NHSL1: variants seen among roughly 807,000 people sequenced by gnomAD.
NHSL1 encodes the protein NHS-like protein 1.
NHSL1 carries 48 observed loss-of-function variants against 95.0 expected under a neutral mutation model. The ratio of observed to expected loss-of-function variants is 0.51; its 90% CI spans 0.40 to 0.64. The LOEUF is 0.64. NHSL1 is among the 30% of genes least tolerant of loss of function. The pLI is 0.00. For missense variants in NHSL1, 1,971 were observed against 2,077.7 expected (o/e 0.95, Z 1.00); for synonymous variants, 783 against 833.9 (o/e 0.94, Z 1.05).
chr6:138,569,893 A>C (rs1783776701), intron 1 of NHSL1, among the ~76,000 whole-genome samples: 1 of 151,064 alleles, frequency 6.6e-6, no homozygotes, highest in African/African-American at 2.5e-5. Context: ...AAAAAAAAAC[A>C]CATAAACTTA....
chr6:138,430,748 G>A lies in NHSL1; in HGVS notation c.3597C>T (p.Pro1199=), dbSNP rs1485535308. The change falls in exon 6 of 8, where the codon CCC becomes CCT. Residue 1199 remains proline (P), a synonymous_variant. Coordinates refer to ENST00000343505, the MANE Select transcript of NHSL1 (RefSeq NM_001144060.2). This position sits in a 1 kb window ranked among gnomAD's most constrained non-coding sequence, Gnocchi z 4.7. ...GAGGTGGTACCACCAGGAACAGTTT[G>A]GGCTTCTTGGAAATGGGGGGTGGCT... is the stretch of plus-strand genomic sequence containing the variant. ...SRKPPPISKK[P]KLFLVVPPPQ... 1 of 1,551,750 alleles carries A rather than the reference G, an allele frequency of 6.4e-7. No individual in the cohort carries two copies. Among genetic ancestry groups the A allele is most frequent in the Non-Finnish European group, 8.7e-7 (1 of 1,147,028 alleles).
chr6:138,478,848 T>G (rs1779247613), intron 2 of NHSL1, among the ~76,000 whole-genome samples: 1 of 152,178 alleles, frequency 6.6e-6, no homozygotes, highest in Non-Finnish European at 1.5e-5. Context: ...CCTCCTTCCT[T>G]TCGTGTCAAT....
chr6:138,540,252 G>A (rs1308360470), intron 1 of NHSL1, among the ~76,000 whole-genome samples: 1 of 152,198 alleles, frequency 6.6e-6, no homozygotes, highest in Non-Finnish European at 1.5e-5. Flanking sequence ...TATAAAACCA[G>A]ACATCTAAAT....
chr6:138,666,226 C>T (rs1431435531), intron 1 of NHSL1, among the ~76,000 whole-genome samples: 1 of 152,116 alleles, frequency 6.6e-6, no homozygotes, highest in South Asian at 2.1e-4. Flanking sequence ...TCACTTCAAC[C>T]CCAGAGGTGG....
In NHSL1 at chr6:138,461,156, T is replaced by A. The variant is rs73573247; in HGVS notation, c.339+12150A>T. Among the ~76,000 whole-genome samples, 3 of 137,736 alleles carry A rather than the reference T, an allele frequency of 2.2e-5. No individual in the cohort carries two copies. The East Asian group carries it at 1.0e-3, about 47-fold the overall frequency. 90.4% of individuals were successfully genotyped at this position (137,736 alleles called of 152,430 possible). On this transcript the variant is annotated intron_variant, in intron 3 of 7. Coordinates refer to ENST00000343505, the MANE Select transcript of NHSL1 (RefSeq NM_001144060.2). ...TTTGAAAAACTATGAAAGAAGGAAG[T>A]TTTTTTTTTGGAAATGTGAGAATCA...
intron 1 of NHSL1, among the ~76,000 whole-genome samples, chr6:138,557,179 G>A (rs918235960): frequency 6.6e-6 from 1 of 152,106 alleles, no homozygotes; most frequent in Admixed American, 6.5e-5. Flanking sequence ...TTATTCCACC[G>A]TACCAAAACG....
At chr6:138,464,710 C>CTTTTCTTTTTTTTTTTTT (rs1163028541) in intron 3 of NHSL1, among the ~76,000 whole-genome samples, 1 of 111,718 alleles carries the variant, frequency 9.0e-6, no homozygotes, top group Non-Finnish European at 1.8e-5. Context: ...TTTTTTTTTT[C>CTTTTCTTTTTTTTTTTTT]TTTTCTTTTT....
At chr6:138,678,001 T>A (rs1182602232) in intron 1 of NHSL1, among the ~76,000 whole-genome samples, 1 of 152,180 alleles carries the variant, frequency 6.6e-6, no homozygotes, top group Admixed American at 6.5e-5. Flanking sequence ...TTAAAGGTAC[T>A]TTCTGTCAGT....
At chr6:138,466,040 T>TTG (rs1188748687) in intron 3 of NHSL1, among the ~76,000 whole-genome samples, 2 of 91,268 alleles carry the variant, frequency 2.2e-5, no homozygotes, top group Non-Finnish European at 4.4e-5. Context: ...ACACTCCTTT[T>TTG]TGGGGGGGGG....
chr6:138,527,227 A>G (rs1018019359), intron 1 of NHSL1, among the ~76,000 whole-genome samples: 17 of 151,906 alleles, frequency 1.1e-4, no homozygotes, highest in Non-Finnish European at 2.4e-4. Flanking sequence ...TTTCATGGTT[A>G]CATATTTGGG....
rs550492889 is a variant in NHSL1, at chr6:138,437,409, C to T, written c.665-3729G>A. 1.1e-3 allele frequency among the ~76,000 whole-genome samples: 79 copies of T among 72,392 alleles called. 1 individual carries two copies. The highest frequency in any genetic ancestry group is 4.1e-3 in the African/African-American group (64 of 15,586). 47.5% of individuals were successfully genotyped at this position (72,392 alleles called of 152,430 possible). A position where few individuals can be genotyped will look rare whatever the true frequency, so the allele number is the denominator to read the frequency against. ...ATACACATATATATATATATACACACATATACACACACACACACACACACA... is the reference window on the plus strand; with the variant it reads ...ATACACATATATATATATATACACATATATACACACACACACACACACACA... On this transcript the variant is annotated intron_variant, in intron 5 of 7. Transcript: ENST00000343505.
rs149259192 is a variant in NHSL1, at chr6:138,624,449, G to A, written c.96+68027C>T. On this transcript the variant is annotated intron_variant, in intron 1 of 3. Coordinates refer to the NHSL1 transcript ENST00000491526. ...TCTGGGTCACTGAGGCTGGATATAT[G>A]AGTCTGGTACTCTACCTGGAGCTAC... Among the ~76,000 whole-genome samples, 947 of 152,236 alleles carry A rather than the reference G, an allele frequency of 6.2e-3. 11 individuals carry two copies. Among genetic ancestry groups the A allele is most frequent in the Non-Finnish European group, 0.01 (704 of 68,012 alleles).
intron 1 of NHSL1, among the ~76,000 whole-genome samples, chr6:138,668,521 G>T (rs146951162): frequency 8.6e-5 from 13 of 151,442 alleles, no homozygotes; most frequent in Non-Finnish European, 1.8e-4. Context: ...AAAACATCAT[G>T]TTGCACCCCA....
At chr6:138,438,310 A>T (rs1165728349) in intron 5 of NHSL1, among the ~76,000 whole-genome samples, 1 of 152,202 alleles carries the variant, frequency 6.6e-6, no homozygotes, top group Non-Finnish European at 1.5e-5. Context: ...GGCTCAGATG[A>T]TCCTTTGTAT....
intron 1 of NHSL1, among the ~76,000 whole-genome samples, chr6:138,669,492 G>A (rs1045187898): frequency 1.3e-5 from 2 of 152,114 alleles, no homozygotes; most frequent in African/African-American, 4.8e-5. Flanking sequence ...GATTTTCTTG[G>A]GGAAGAAGGA....
intron 7 of NHSL1, among the ~76,000 whole-genome samples, chr6:138,428,242 A>C (rs1182056377): frequency 6.6e-6 from 1 of 152,226 alleles, no homozygotes; most frequent in Non-Finnish European, 1.5e-5. Context: ...TTAGCAACCC[A>C]GTGCATTCCA....
chr6:138,612,935 C>T (rs1412601440), intron 1 of NHSL1, among the ~76,000 whole-genome samples: 1 of 152,150 alleles, frequency 6.6e-6, no homozygotes, highest in Non-Finnish European at 1.5e-5. Context: ...TAGTCTTAGT[C>T]GGACCACAAA....
At chr6:138,445,098 T>G (rs1776778632) in intron 4 of NHSL1, among the ~76,000 whole-genome samples, 1 of 152,200 alleles carries the variant, frequency 6.6e-6, no homozygotes. Flanking sequence ...TGACACTGTC[T>G]TCTGTTGTGA....
At chr6:138,516,591 G>T (rs560020942) in intron 1 of NHSL1, among the ~76,000 whole-genome samples, 4 of 151,250 alleles carry the variant, frequency 2.6e-5, no homozygotes, top group African/African-American at 7.2e-5. Context: ...AAGTTGTTTT[G>T]TTGTTGTTGT....
Sources: allele counts gnomAD v4.1 joint callset (sites outside exome capture counted in the v4.1 genomes callset), GRCh38; gene constraint gnomAD v4.1.1; non-coding constraint Gnocchi (gnomAD v3.1); transcripts MANE v1.5; gene names NCBI Gene and HGNC (gene_info 2026-07-23, HGNC 2026-07-21).